Variants in PIP5K1B observed in about 807,000 individuals in gnomAD.
The protein encoded by PIP5K1B is phosphatidylinositol-4-phosphate 5-kinase type 1 beta.
Under a neutral mutation model 67.0 loss-of-function variants are expected in PIP5K1B, and 42 were observed. The observed-to-expected ratio is 0.63, with a 90% CI of 0.49 to 0.81. The LOEUF is 0.81. PIP5K1B is among the 30% of genes least tolerant of loss of function. The probability of loss-of-function intolerance (pLI) is 0.00; values close to 1 mark genes in which losing one functional copy is unlikely to be tolerated. For synonymous variants in PIP5K1B, 214 were observed against 231.4 expected (o/e 0.92, Z 0.68); for missense variants, 459 against 646.3 (o/e 0.71, Z 3.14).
intron 8 of PIP5K1B, among the ~76,000 whole-genome samples, chr9:68,903,223 G>C (rs1422132305): frequency 6.6e-6 from 1 of 152,136 alleles, no homozygotes; most frequent in African/African-American, 2.4e-5. Context: ...ATTTCTCTTG[G>C]TGTCAATCTT....
intron 2 of PIP5K1B, among the ~76,000 whole-genome samples, chr9:68,796,737 G>A (rs1319323278): frequency 1.3e-5 from 2 of 152,322 alleles, no homozygotes; most frequent in Middle Eastern, 3.4e-3. Context: ...AAAGGCTGGA[G>A]CATAGGAAGT....
At chr9:68,939,437 G>C (rs1182585491) in intron 13 of PIP5K1B, among the ~76,000 whole-genome samples, 3 of 152,188 alleles carry the variant, frequency 2.0e-5, no homozygotes, top group Non-Finnish European at 4.4e-5. Context: ...CAATGTTATG[G>C]AGAGTTTTCA....
At chr9:68,839,973 C>T (rs756319152) in intron 4 of PIP5K1B, among the ~76,000 whole-genome samples, 14 of 152,216 alleles carry the variant, frequency 9.2e-5, no homozygotes, top group Non-Finnish European at 1.9e-4. Context: ...CAGATGCAAG[C>T]CAGTCTCCTT....
intron 4 of PIP5K1B, among the ~76,000 whole-genome samples, chr9:68,862,074 T>C (rs1823115836): frequency 6.6e-6 from 1 of 152,124 alleles, no homozygotes; most frequent in South Asian, 2.1e-4. Flanking sequence ...ACACTAAAGG[T>C]GACATAACCT....
intron 2 of PIP5K1B, among the ~76,000 whole-genome samples, chr9:68,807,715 T>C (rs934648323): frequency 3.3e-5 from 5 of 152,184 alleles, no homozygotes. Flanking sequence ...TATTTGCATA[T>C]AGTGTATCAT....
chr9:68,959,739 C>T (rs749907707), intron 14 of PIP5K1B, among the ~76,000 whole-genome samples: 2 of 152,186 alleles, frequency 1.3e-5, no homozygotes, highest in African/African-American at 4.8e-5. Flanking sequence ...TTTCCTTATA[C>T]TTTTCCCCAA....
chr9:68,726,935 A>G (rs1828176773), intron 1 of PIP5K1B, among the ~76,000 whole-genome samples: 1 of 150,872 alleles, frequency 6.6e-6, no homozygotes. Context: ...TTCTTATATG[A>G]TTTTTGGTAA....
At chr9:68,865,955 TAAAACTC>T (rs1823334296) in intron 5 of PIP5K1B, among the ~76,000 whole-genome samples, 1 of 152,222 alleles carries the variant, frequency 6.6e-6, no homozygotes, top group Non-Finnish European at 1.5e-5. Flanking sequence ...TTACAACTAA[TAAAACTC>T]AAATCATTTT....
chr9:68,806,941 G>A (rs1237901355), intron 2 of PIP5K1B, among the ~76,000 whole-genome samples: 1 of 97,660 alleles, frequency 1.0e-5, no homozygotes. Context: ...TTTTGGCCTT[G>A]GTTTTTTTTT....
chr9:68,747,854 A>G (rs1422424406), intron 2 of PIP5K1B, among the ~76,000 whole-genome samples: 1 of 152,194 alleles, frequency 6.6e-6, no homozygotes. Flanking sequence ...TTGTAAGGAA[A>G]TGGATTGTCT....
chr9:68,970,764 C>T (rs1829319959), intron 14 of PIP5K1B, among the ~76,000 whole-genome samples: 1 of 152,180 alleles, frequency 6.6e-6, no homozygotes, highest in African/African-American at 2.4e-5. Context: ...TCTGGGGTCC[C>T]ACCAGGATCT....
At chr9:68,714,701 A>G (rs1427349609) in intron 1 of PIP5K1B, among the ~76,000 whole-genome samples, 1 of 152,060 alleles carries the variant, frequency 6.6e-6, no homozygotes, top group African/African-American at 2.4e-5. Context: ...TTGTTTTTCC[A>G]AGTAGCTTTC....
chr9:68,925,223 T>C (rs1363297697), intron 12 of PIP5K1B, among the ~76,000 whole-genome samples: 1 of 152,180 alleles, frequency 6.6e-6, no homozygotes, highest in African/African-American at 2.4e-5. Flanking sequence ...ATGAACATAA[T>C]TTCAGATAAA....
chr9:68,808,001 C>G (rs1444243294), intron 2 of PIP5K1B, among the ~76,000 whole-genome samples: 3 of 152,142 alleles, frequency 2.0e-5, no homozygotes, highest in African/African-American at 7.2e-5. Flanking sequence ...AGTTCGAGAC[C>G]AGCTTGGCCA....
intron 4 of PIP5K1B, among the ~76,000 whole-genome samples, chr9:68,844,616 AG>A (rs1822092590): frequency 1.3e-5 from 1 of 78,874 alleles, no homozygotes; most frequent in Non-Finnish European, 3.1e-5. Flanking sequence ...CCAATGGGGG[AG>A]ATCTAATGGG....
chr9:68,754,587 G>C (rs1829831336), intron 2 of PIP5K1B, among the ~76,000 whole-genome samples: 1 of 151,756 alleles, frequency 6.6e-6, no homozygotes, highest in African/African-American at 2.4e-5. Context: ...TTTTTACCTG[G>C]CTCTTTCTAG....
intron 4 of PIP5K1B, among the ~76,000 whole-genome samples, chr9:68,854,797 C>T (rs546755262): frequency 5.9e-5 from 9 of 152,120 alleles, no homozygotes; most frequent in Non-Finnish European, 1.2e-4. Flanking sequence ...CCTAATATCC[C>T]GCTATCCAGA....
chr9:68,865,003 TA>T (rs1164554650), intron 5 of PIP5K1B, among the ~76,000 whole-genome samples: 26 of 152,188 alleles, frequency 1.7e-4, no homozygotes, highest in South Asian at 2.1e-4. Flanking sequence ...TGCCTAAAAA[TA>T]AAACCTGTTT....
At chr9:68,947,550 A>G (rs765292181) in intron 14 of PIP5K1B, among the ~76,000 whole-genome samples, 1 of 152,158 alleles carries the variant, frequency 6.6e-6, no homozygotes, top group Non-Finnish European at 1.5e-5. Flanking sequence ...AACAACCACA[A>G]CACATGGAGC....
Sources: gnomAD v4.1 joint callset for allele counts (sites outside exome capture counted in the v4.1 genomes callset) on GRCh38, gnomAD v4.1.1 for gene constraint, MANE v1.5 for transcripts, NCBI Gene and HGNC (gene_info 2026-07-23, HGNC 2026-07-21) for gene names.